MYO16: variants seen among roughly 807,000 people sequenced by gnomAD.
MYO16 encodes the protein myosin XVI.
In MYO16, 94 loss-of-function variants were observed where a neutral mutation model predicts 205.3. The ratio of observed to expected loss-of-function variants is 0.46; its 90% CI spans 0.39 to 0.54. The LOEUF (loss-of-function observed/expected upper bound fraction) is 0.54, where lower values mean the gene tolerates loss of function less well. Among genes scored for constraint, MYO16 ranks in the 20% least tolerant of loss-of-function variants. The pLI, the probability that MYO16 is intolerant of heterozygous loss-of-function variation, is 0.00. For synonymous variants in MYO16, 988 were observed against 954.0 expected, an observed-to-expected ratio of 1.04 and a Z score of -0.66; for missense variants, 2,315 against 2,387.5, an observed-to-expected ratio of 0.97 and a Z score of 0.63.
At chr13:109,019,994 T>A in intron 23 of MYO16, 83 bp downstream of exon 23, 1 of 1,351,906 alleles carries the variant, frequency 7.4e-7, no homozygotes, top group Non-Finnish European at 1.0e-6. Context: ...ATTGATATTT[T>A]AAGGTGTGTT....
At chr13:108,957,573 C>T in intron 16 of MYO16, 115 bp from the exon 17 acceptor site, 1 of 659,454 alleles carries the variant, frequency 1.5e-6, no homozygotes, top group Non-Finnish European at 2.8e-6. Context: ...CGTGGGGACA[C>T]CATGTCCAGG....
intron 22 of MYO16, among the ~76,000 whole-genome samples, chr13:109,011,442 G>A (rs1250284764): frequency 6.6e-6 from 1 of 151,258 alleles, no homozygotes; most frequent in Non-Finnish European, 1.5e-5. Context: ...CAGCTCTCAG[G>A]CAATTGCAGT....
At chr13:109,106,010 G>A (rs995936767) in intron 28 of MYO16, among the ~76,000 whole-genome samples, 1 of 152,178 alleles carries the variant, frequency 6.6e-6, no homozygotes, top group Non-Finnish European at 1.5e-5. Context: ...TTAAAAACAT[G>A]GTGGACTAGT....
intron 1 of MYO16, among the ~76,000 whole-genome samples, chr13:108,631,860 C>A (rs559090077): frequency 1.1e-4 from 17 of 152,218 alleles, no homozygotes; most frequent in Admixed American, 5.2e-4. Flanking sequence ...GGCGGATCAC[C>A]TGAGGTCAGG....
chr13:108,650,766 G>A (rs1248931962), intron 1 of MYO16, among the ~76,000 whole-genome samples: 1 of 152,122 alleles, frequency 6.6e-6, no homozygotes, highest in Non-Finnish European at 1.5e-5. Context: ...TCTTGAAGAC[G>A]CTCAGTAGTG....
chr13:109,096,100 C>T (rs1888768770), intron 27 of MYO16, among the ~76,000 whole-genome samples: 1 of 152,168 alleles, frequency 6.6e-6, no homozygotes, highest in South Asian at 2.1e-4. Flanking sequence ...GCTGCTGTAA[C>T]CAAGTACTAC....
chr13:108,869,770 C>T (rs1246423354), intron 12 of MYO16, among the ~76,000 whole-genome samples: 1 of 102,780 alleles, frequency 9.7e-6, no homozygotes, highest in African/African-American at 3.8e-5. Context: ...AGAAACCACA[C>T]ATAAAAAATC....
the MYO16 span, among the ~76,000 whole-genome samples, chr13:108,590,681 G>A: frequency 6.6e-6 from 1 of 152,124 alleles, no homozygotes; most frequent in Non-Finnish European, 1.5e-5. Flanking sequence ...GAAGACACAA[G>A]GGTACAGAAG....
intron 2 of MYO16, among the ~76,000 whole-genome samples, chr13:108,672,519 T>C (rs1043455041): frequency 8.6e-5 from 13 of 151,880 alleles, no homozygotes; most frequent in Non-Finnish European, 1.3e-4. Flanking sequence ...TTAAAAGTAA[T>C]TCAGGATTTT....
rs1007294607 is a variant in MYO16 at position 108,780,375 on chromosome 13, T to C, written c.508-5260T>C. ...CGTCTGATTTAAAAAAAAAAAAAAC[T>C]GCCCAGTGACCGACTCATTCATTAG... On this transcript the variant is annotated intron_variant, in intron 4 of 34. Transcript: ENST00000457511. Among the ~76,000 whole-genome samples the C allele has an allele frequency of 5.0e-5, 7 of 139,384 alleles. 1 individual carries two copies. The South Asian group carries it at 9.1e-4, about 18-fold the overall frequency. The allele number at this position is 139,384 out of a possible 152,430, so 91.4% of individuals were successfully genotyped here. A position where few individuals can be genotyped will look rare whatever the true frequency, so the allele number is the denominator to read the frequency against.
chr13:109,103,010 C>G (rs993256889), intron 28 of MYO16, among the ~76,000 whole-genome samples: 6 of 152,100 alleles, frequency 3.9e-5, no homozygotes. Flanking sequence ...TCAGAAAAGA[C>G]AGTATTTCTT....
At chr13:108,943,627 T>G (rs1174515644) in intron 16 of MYO16, among the ~76,000 whole-genome samples, 1 of 152,010 alleles carries the variant, frequency 6.6e-6, no homozygotes, top group Non-Finnish European at 1.5e-5. Flanking sequence ...AATTTAGTAT[T>G]TTTAGTAGAG....
At chr13:108,566,733 GGGAGGAAGGAAGGA>G in the MYO16 span, among the ~76,000 whole-genome samples, 17 of 122,628 alleles carry the variant, frequency 1.4e-4, no homozygotes, top group East Asian at 4.8e-4. Flanking sequence ...AAGGAAGGAA[GGGAGGAAGGAAGGA>G]AGGAAGGAAG....
At chr13:108,946,250 C>A (rs994368766) in intron 16 of MYO16, among the ~76,000 whole-genome samples, 1 of 151,622 alleles carries the variant, frequency 6.6e-6, no homozygotes, top group Non-Finnish European at 1.5e-5. Context: ...TTTCCTAATA[C>A]GTTCTTTGTT....
At chr13:108,795,119 C>G (rs1886744981) in intron 6 of MYO16, among the ~76,000 whole-genome samples, 1 of 151,434 alleles carries the variant, frequency 6.6e-6, no homozygotes, top group Non-Finnish European at 1.5e-5. Flanking sequence ...AATATTTATT[C>G]TGGAAGATAA....
chr13:108,666,287 T>C lies in MYO16; in HGVS notation c.292+138T>C, dbSNP rs1235926070. ...TGGAGGCTACTATCTTTTAACTGTT[T>C]GTATTATTCAAGAAAAAAATGCTCT... On this transcript the variant is annotated intron_variant, in intron 2 of 34. Coordinates refer to ENST00000457511, the MANE Select transcript of MYO16 (RefSeq NM_001198950.3). 3 of 998,236 alleles carry C rather than the reference T, an allele frequency of 3.0e-6. No homozygotes were observed. The East Asian group carries it at 8.0e-5, about 27-fold the overall frequency. The allele number at this position is 998,236 out of a possible 1,614,324, so 61.8% of individuals were successfully genotyped here.
chr13:108,990,378 C>G (rs995797503), intron 20 of MYO16, among the ~76,000 whole-genome samples: 1 of 152,092 alleles, frequency 6.6e-6, no homozygotes, highest in Non-Finnish European at 1.5e-5. Context: ...ACGAATGACA[C>G]AATACATTTT....
chr13:108,692,188 A>G (rs908820626), intron 2 of MYO16, among the ~76,000 whole-genome samples: 1 of 152,252 alleles, frequency 6.6e-6, no homozygotes, highest in Admixed American at 6.5e-5. Flanking sequence ...GGGCACCAGG[A>G]AAATACTGCT....
chr13:108,890,904 C>G (rs1465723424), intron 14 of MYO16, among the ~76,000 whole-genome samples: 1 of 152,176 alleles, frequency 6.6e-6, no homozygotes, highest in Non-Finnish European at 1.5e-5. Flanking sequence ...GCTGAAGCCA[C>G]CTTTGAGCAT....
Sources: gnomAD v4.1 joint callset for allele counts (sites outside exome capture counted in the v4.1 genomes callset) on GRCh38, gnomAD v4.1.1 for gene constraint, MANE v1.5 for transcripts, NCBI Gene and HGNC (gene_info 2026-07-23, HGNC 2026-07-21) for gene names.